Variants in ITPR2 observed in about 807,000 individuals in gnomAD.
ITPR2 encodes inositol 1,4,5-trisphosphate receptor type 2, also known as inositol 1,4,5-trisphosphate-gated calcium channel ITPR2.
Under a neutral mutation model 317.1 loss-of-function variants are expected in ITPR2, and 207 were observed. The observed-to-expected ratio is 0.65, with a 90% CI of 0.58 to 0.73. The LOEUF (loss-of-function observed/expected upper bound fraction) is 0.73, where lower values mean the gene tolerates loss of function less well. ITPR2 is among the 30% of genes least tolerant of loss of function. The pLI is 0.00. For synonymous variants in ITPR2, 1,156 were observed against 1,149.1 expected (o/e 1.01, Z -0.12); for missense variants, 2,613 against 3,284.0 (o/e 0.80, Z 4.99).
At chr12:26,744,242 C>G (rs1338002968) in intron 2 of ITPR2, among the ~76,000 whole-genome samples, 1 of 152,248 alleles carries the variant, frequency 6.6e-6, no homozygotes, top group African/African-American at 2.4e-5. Context: ...TCTGCCACTC[C>G]TAGTGACCAG....
chr12:26,781,472 T>C (rs915579916), intron 2 of ITPR2, among the ~76,000 whole-genome samples: 1 of 152,230 alleles, frequency 6.6e-6, no homozygotes. Context: ...TTCTTAACTT[T>C]ATGTAATAGT....
At chr12:26,386,302 A>G (rs574228323) in intron 55 of ITPR2, among the ~76,000 whole-genome samples, 35 of 152,340 alleles carry the variant, frequency 2.3e-4, no homozygotes, top group Non-Finnish European at 4.0e-4. Context: ...CCATTGTCCA[A>G]TGAAGAATGC....
intron 2 of ITPR2, among the ~76,000 whole-genome samples, chr12:26,772,523 T>TTA (rs376560685): frequency 0.1 from 9,163 of 89,990 alleles, 1,015 homozygotes; most frequent in Non-Finnish European, 0.18. Flanking sequence ...TAATACATTA[T>TTA]TATATATAAT....
At chr12:26,549,031 C>T (rs574552515) in intron 37 of ITPR2, among the ~76,000 whole-genome samples, 10 of 152,246 alleles carry the variant, frequency 6.6e-5, no homozygotes, top group Admixed American at 6.5e-4. Context: ...CGTCCTTTGC[C>T]AGAAAAGGAT....
chr12:26,450,778 G>A (rs550262542), intron 45 of ITPR2, among the ~76,000 whole-genome samples: 20 of 152,130 alleles, frequency 1.3e-4, no homozygotes, highest in Non-Finnish European at 2.2e-4. Flanking sequence ...GTGAAGGGCT[G>A]TACGCACTCT....
chr12:26,516,295 A>G (rs11048559), intron 37 of ITPR2, among the ~76,000 whole-genome samples: 1,746 of 51,960 alleles, frequency 0.034, 31 homozygotes, highest in South Asian at 0.047. Flanking sequence ...GGGAAAGGAA[A>G]GGAAAGGAAA....
At chr12:26,589,849 TATATACACAC>T (rs1565624397) in intron 32 of ITPR2, among the ~76,000 whole-genome samples, 525 of 39,820 alleles carry the variant, frequency 0.013, 26 homozygotes, top group African/African-American at 0.037. Context: ...TATATATATA[TATATACACAC>T]ACACACACAC....
intron 30 of ITPR2, 68 bp downstream of exon 30, chr12:26,599,077 G>A: frequency 7.3e-7 from 1 of 1,375,498 alleles, no homozygotes; most frequent in South Asian, 1.2e-5. Flanking sequence ...CTTTTTCACT[G>A]TAATAGAAAA....
chr12:26,802,923 A>G (rs1950584109), intron 1 of ITPR2, among the ~76,000 whole-genome samples: 1 of 152,172 alleles, frequency 6.6e-6, no homozygotes, highest in Non-Finnish European at 1.5e-5. Flanking sequence ...GAAACCTGTA[A>G]TCAACAAGCC....
At chr12:26,716,483 T>C (rs1020796048) in intron 5 of ITPR2, among the ~76,000 whole-genome samples, 1 of 151,774 alleles carries the variant, frequency 6.6e-6, no homozygotes, top group Non-Finnish European at 1.5e-5. Flanking sequence ...TGTGGATCTT[T>C]TTCATATTCA....
At chr12:26,505,343 C>T (rs1943160430) in intron 37 of ITPR2, among the ~76,000 whole-genome samples, 1 of 152,180 alleles carries the variant, frequency 6.6e-6, no homozygotes. Flanking sequence ...GTCTTCTGAA[C>T]AATCCACATC....
chr12:26,779,536 C>T (rs1950040317), intron 2 of ITPR2, among the ~76,000 whole-genome samples: 1 of 152,210 alleles, frequency 6.6e-6, no homozygotes. Flanking sequence ...TGCCACCAGG[C>T]CTTCTCTCTC....
chr12:26,436,872 TG>T (rs1941364874), intron 47 of ITPR2, among the ~76,000 whole-genome samples: 1 of 152,210 alleles, frequency 6.6e-6, no homozygotes, highest in African/African-American at 2.4e-5. Flanking sequence ...GTATTCCTGA[TG>T]GGGAACTAGT....
At chr12:26,417,810 ACT>A (rs1467714521) in intron 50 of ITPR2, among the ~76,000 whole-genome samples, 3 of 152,076 alleles carry the variant, frequency 2.0e-5, no homozygotes, top group African/African-American at 7.2e-5. Context: ...AGTATTATAA[ACT>A]CATCAAATTG....
chr12:26,588,901 A>G (rs938434939), intron 32 of ITPR2, among the ~76,000 whole-genome samples: 19 of 152,206 alleles, frequency 1.2e-4, no homozygotes, highest in Admixed American at 1.2e-3. Flanking sequence ...GGATCCTGAC[A>G]TTGATAGCAA....
intron 36 of ITPR2, among the ~76,000 whole-genome samples, chr12:26,551,676 G>A (rs1360118719): frequency 6.6e-6 from 1 of 152,216 alleles, no homozygotes; most frequent in African/African-American, 2.4e-5. Flanking sequence ...AGGTTTCAGT[G>A]AAGAGATAGC....
chr12:26,757,154 G>A (rs1949537920), intron 2 of ITPR2, among the ~76,000 whole-genome samples: 1 of 152,010 alleles, frequency 6.6e-6, no homozygotes, highest in African/African-American at 2.4e-5. Context: ...CCATAAAAAT[G>A]GGCAAGCAAC....
At chr12:26,676,684 A>T (rs1947914884) in intron 13 of ITPR2, among the ~76,000 whole-genome samples, 1 of 152,022 alleles carries the variant, frequency 6.6e-6, no homozygotes, top group South Asian at 2.1e-4. Context: ...AAAATTGTTT[A>T]AAAAATATAA....
intron 45 of ITPR2, among the ~76,000 whole-genome samples, chr12:26,464,393 G>A (rs1184020797): frequency 6.6e-6 from 1 of 152,074 alleles, no homozygotes; most frequent in African/African-American, 2.4e-5. Flanking sequence ...CACAAATACA[G>A]TTCACGACAA....
Sources: gnomAD v4.1 joint callset for allele counts (sites outside exome capture counted in the v4.1 genomes callset) on GRCh38, gnomAD v4.1.1 for gene constraint, MANE v1.5 for transcripts, NCBI Gene and HGNC (gene_info 2026-07-23, HGNC 2026-07-21) for gene names.